The following PPP1R12A variants were observed in gnomAD, a reference collection of about 807,000 sequenced individuals.
The protein encoded by PPP1R12A is protein phosphatase 1 regulatory subunit 12A.
A neutral mutation model predicts 139.6 loss-of-function variants in PPP1R12A; 19 were observed. The observed-to-expected ratio is 0.14, with a 90% CI of 0.09 to 0.20. The LOEUF (loss-of-function observed/expected upper bound fraction) is 0.20, where lower values mean the gene tolerates loss of function less well. Among genes scored for constraint, PPP1R12A ranks in the 10% least tolerant of loss-of-function variants. The probability of loss-of-function intolerance (pLI) is 1.00; values close to 1 mark genes in which losing one functional copy is unlikely to be tolerated. For synonymous variants in PPP1R12A, 427 were observed against 420.6 expected (o/e 1.02, Z -0.19); for missense variants, 925 against 1,211.5 (o/e 0.76, Z 3.51).
intron 15 of PPP1R12A, 128 bp from the exon 16 acceptor site, chr12:79,797,523 C>A: frequency 1.2e-6 from 1 of 842,850 alleles, no homozygotes; most frequent in Non-Finnish European, 1.8e-6. Context: ...AATTGGTTTG[C>A]AAATGGAAAC....
At chr12:79,897,424 GA>G (rs1255539668) in intron 1 of PPP1R12A, among the ~76,000 whole-genome samples, 3 of 152,060 alleles carry the variant, frequency 2.0e-5, no homozygotes, top group African/African-American at 7.2e-5. Flanking sequence ...GGGAAGAGTT[GA>G]AAAACTGTTG....
At position 79,935,068 on chromosome 12, in the gene PPP1R12A, C is replaced by T; in HGVS notation, c.-137G>A. ...GAGGGCTGGGAACCCGGAGCCGACG[C>T]TCGAGACTTCCAGTATCCCACAGAG... On this transcript the variant is annotated 5_prime_UTR_variant, in exon 1 of 25. Coordinates refer to ENST00000450142, the MANE Select transcript of PPP1R12A (RefSeq NM_002480.3). 1 of 1,408,474 alleles carries T rather than the reference C, an allele frequency of 7.1e-7. No individual in the cohort carries two copies. Among genetic ancestry groups the T allele is most frequent in the Non-Finnish European group, 9.2e-7 (1 of 1,083,840 alleles). 87.2% of individuals were successfully genotyped at this position (1,408,474 alleles called of 1,614,324 possible). A position where few individuals can be genotyped will look rare whatever the true frequency, so the allele number is the denominator to read the frequency against.
intron 1 of PPP1R12A, among the ~76,000 whole-genome samples, chr12:79,906,104 C>A (rs752428328): frequency 1.3e-5 from 2 of 151,866 alleles, no homozygotes; most frequent in Non-Finnish European, 2.9e-5. Context: ...AGCAAGCATA[C>A]AATAAATATT....
chr12:79,776,874 T>C (rs1869791885), intron 24 of PPP1R12A, among the ~76,000 whole-genome samples: 1 of 152,146 alleles, frequency 6.6e-6, no homozygotes, highest in Admixed American at 6.6e-5. Context: ...AATAGTCCTC[T>C]TTCCTCAGTT....
In PPP1R12A at chr12:79,848,543, G is replaced by A. The variant is rs541501267; in HGVS notation, c.369-3123C>T. Reference sequence around the variant, plus strand: ...GGACAATACAGAATTTATATAAACAGGAAGGATGTTAAGAGAAACTAACAG... The same window carrying A: ...GGACAATACAGAATTTATATAAACAAGAAGGATGTTAAGAGAAACTAACAG... On this transcript the variant is annotated intron_variant, in intron 2 of 24. Coordinates refer to ENST00000450142, the MANE Select transcript of PPP1R12A (RefSeq NM_002480.3). Among the ~76,000 whole-genome samples the A allele has an allele frequency of 3.3e-5, 5 of 152,216 alleles. No individual in the cohort carries two copies. The East Asian group carries it at 9.7e-4, about 29-fold the overall frequency.
intron 1 of PPP1R12A, among the ~76,000 whole-genome samples, chr12:79,904,146 T>C (rs1326006707): frequency 4.0e-5 from 6 of 150,292 alleles, no homozygotes; most frequent in Admixed American, 6.7e-5. Flanking sequence ...ACCCGGGAGG[T>C]GGAGGTTGTG....
chr12:79,781,789 A>C, intron 23 of PPP1R12A, 26 bp downstream of exon 23: 1 of 1,388,982 alleles, frequency 7.2e-7, no homozygotes, highest in Non-Finnish European at 9.7e-7. Context: ...AGAAAAAAAT[A>C]ATTATTTAAT....
At chr12:79,855,703 C>CAA (rs369569087) in intron 2 of PPP1R12A, among the ~76,000 whole-genome samples, 1 of 141,950 alleles carries the variant, frequency 7.0e-6, no homozygotes, top group African/African-American at 2.6e-5. Flanking sequence ...ATTATTTCTG[C>CAA]AAAAAAAAAA....
chr12:79,895,318 T>A (rs968737598), intron 1 of PPP1R12A, among the ~76,000 whole-genome samples: 3 of 151,870 alleles, frequency 2.0e-5, no homozygotes, highest in African/African-American at 7.3e-5. Context: ...ATTTCAGGGT[T>A]CCTGGAAAAA....
intron 2 of PPP1R12A, among the ~76,000 whole-genome samples, chr12:79,852,443 AC>A (rs1188255129): frequency 2.0e-5 from 3 of 151,924 alleles, no homozygotes; most frequent in Non-Finnish European, 2.9e-5. Flanking sequence ...TGATCCACCC[AC>A]CTTGGCTTCC....
chr12:79,919,485 G>A (rs557669685), intron 1 of PPP1R12A, among the ~76,000 whole-genome samples: 31 of 151,692 alleles, frequency 2.0e-4, no homozygotes, highest in South Asian at 8.3e-4. Flanking sequence ...AACCTGGGAG[G>A]TGGAAGTTGC....
chr12:79,787,144 A>C (rs1373497396), intron 21 of PPP1R12A: 2 of 152,122 alleles, frequency 1.3e-5, no homozygotes, highest in African/African-American at 4.8e-5. Context: ...TAGGAGCTAA[A>C]ATTAACTTTT....
At position 79,805,661 on chromosome 12, in the gene PPP1R12A, G is replaced by A. The variant is rs746278835; in HGVS notation, c.1931C>T (p.Ser644Phe). The A allele has an allele frequency of 2.5e-6, 4 of 1,613,820 alleles. No homozygotes were observed. Among genetic ancestry groups the A allele is most frequent in the Non-Finnish European group, 3.4e-6 (4 of 1,179,806 alleles). The change falls in exon 14 of 25, where the codon TCT (serine) becomes TTT (phenylalanine). Residue 644 changes from serine (S) to phenylalanine (F), a missense_variant. By Grantham distance (155) the Ser-to-Phe change is radical. Transcript: ENST00000450142. Reference sequence around the variant, plus strand: ...AGTAGTTGTAGTCAGGGTTGTGGTAGAAGCTGCAGCATTTACAACAGTTGG... The same window carrying A: ...AGTAGTTGTAGTCAGGGTTGTGGTAAAAGCTGCAGCATTTACAACAGTTGG... ...VAPTVVNAAA[S>F]TTTLTTTTAG...
At chr12:79,892,214 C>T (rs926519289) in intron 1 of PPP1R12A, among the ~76,000 whole-genome samples, 1 of 152,150 alleles carries the variant, frequency 6.6e-6, no homozygotes, top group Non-Finnish European at 1.5e-5. Flanking sequence ...TAAATGTCAT[C>T]AAGTAAGAGT....
At chr12:79,802,438 G>GA (rs1384566997) in intron 14 of PPP1R12A, among the ~76,000 whole-genome samples, 1 of 152,084 alleles carries the variant, frequency 6.6e-6, no homozygotes, top group Admixed American at 6.5e-5. Flanking sequence ...AGGAAGAGAA[G>GA]AAAAAATAAA....
chr12:79,832,945 A>G (rs770421673), intron 3 of PPP1R12A, among the ~76,000 whole-genome samples: 1 of 152,142 alleles, frequency 6.6e-6, no homozygotes. Context: ...AAAATATATC[A>G]TACCTTAAAA....
At chr12:79,842,289 C>T (rs1454891612) in intron 3 of PPP1R12A, among the ~76,000 whole-genome samples, 1 of 152,138 alleles carries the variant, frequency 6.6e-6, no homozygotes, top group Non-Finnish European at 1.5e-5. Context: ...CACTGCACTC[C>T]AGTCTGTCTC....
At chr12:79,851,312 T>C (rs975846670) in intron 2 of PPP1R12A, among the ~76,000 whole-genome samples, 3 of 152,204 alleles carry the variant, frequency 2.0e-5, no homozygotes, top group Non-Finnish European at 4.4e-5. Context: ...TTATTTCTCA[T>C]TAGTAGAAAT....
chr12:79,857,446 G>T (rs1360425891), intron 2 of PPP1R12A, among the ~76,000 whole-genome samples: 1 of 150,786 alleles, frequency 6.6e-6, no homozygotes, highest in Non-Finnish European at 1.5e-5. Context: ...GTGGGGGGAA[G>T]GGGGAGGGAT....
Sources: allele counts gnomAD v4.1 joint callset (sites outside exome capture counted in the v4.1 genomes callset), GRCh38; gene constraint gnomAD v4.1.1; transcripts MANE v1.5; gene names NCBI Gene and HGNC (gene_info 2026-07-23, HGNC 2026-07-21).